RUVBL1: variants seen among roughly 807,000 people sequenced by gnomAD.
RUVBL1 encodes RuvB like AAA ATPase 1, also known as ruvB-like 1.
A neutral mutation model predicts 52.4 loss-of-function variants in RUVBL1; 4 were observed. That is an observed-to-expected ratio of 0.08 (90% CI 0.04 to 0.17). RUVBL1 has a LOEUF of 0.17. Among genes scored for constraint, RUVBL1 ranks in the 10% least tolerant of loss-of-function variants. The pLI, the probability that RUVBL1 is intolerant of heterozygous loss-of-function variation, is 1.00. For missense variants in RUVBL1, 298 were observed against 572.8 expected (o/e 0.52, Z 4.90); for synonymous variants, 217 against 214.4 (o/e 1.01, Z -0.10).
chr3:128,101,354 C>T (rs190145995), intron 5 of RUVBL1, among the ~76,000 whole-genome samples: 16 of 152,132 alleles, frequency 1.1e-4, no homozygotes, highest in Admixed American at 6.5e-4. Flanking sequence ...GTTTTAATCG[C>T]GAGAAGGTTA....
intron 3 of RUVBL1, among the ~76,000 whole-genome samples, chr3:128,111,573 T>C (rs1373021163): frequency 1.3e-5 from 2 of 152,164 alleles, no homozygotes; most frequent in Non-Finnish European, 2.9e-5. Flanking sequence ...AGCCACTATT[T>C]TGTCCTGCTC....
rs1234126641 is a variant in RUVBL1 at position 128,153,679 on chromosome 3, G to T, written c.-516C>A. 1.9e-6 allele frequency: 3 copies of T among 1,594,778 alleles called. No homozygotes were observed. The highest frequency in any genetic ancestry group is 2.3e-5 in the East Asian group (1 of 44,412). ...CGATCTGGGCTTCTCGTGCTTCTCG[G>T]TGCCGCTGCCCGCGCGCCTGCGGTC... On this transcript the variant is annotated 5_prime_UTR_variant, in exon 1 of 10. Transcript: ENST00000464873.
In RUVBL1 at chr3:128,081,469, C is replaced by A; in HGVS notation, c.1212-60G>T. ...TGGGGCCACCGAAGAAAGCACCTTC[C>A]CCCCACATCAGTAGGCAGCACTGGC... On this transcript the variant is annotated intron_variant, in intron 10 of 10. Transcript: ENST00000322623. This position sits in a 1 kb window ranked among gnomAD's most constrained non-coding sequence, Gnocchi z 4.8. 1 of 1,544,168 alleles carries A rather than the reference C, an allele frequency of 6.5e-7. No homozygotes were observed. Among genetic ancestry groups the A allele is most frequent in the Non-Finnish European group, 8.8e-7 (1 of 1,132,290 alleles).
At chr3:128,112,840 G>A in intron 3 of RUVBL1, 48 bp downstream of exon 3, 1 of 1,599,486 alleles carries the variant, frequency 6.3e-7, no homozygotes, top group Non-Finnish European at 8.5e-7. Context: ...CGGTGCACAG[G>A]CTTCAGGAAG....
At chr3:128,124,242 A>C (rs1943732314), upstream of RUVBL1, among the ~76,000 whole-genome samples, 1 of 152,100 alleles carries the variant, frequency 6.6e-6, no homozygotes, top group Non-Finnish European at 1.5e-5. Context: ...CTCCCTGGAA[A>C]GGCCCAGCTC....
At chr3:128,119,038 G>A (rs1293587178) in intron 2 of RUVBL1, among the ~76,000 whole-genome samples, 3 of 152,148 alleles carry the variant, frequency 2.0e-5, no homozygotes, top group African/African-American at 7.2e-5. Flanking sequence ...TAGGCCAACA[G>A]AAATGTATTT....
chr3:128,073,701 T>TC (rs1453645067), intron 9 of RUVBL1, among the ~76,000 whole-genome samples: 7 of 152,290 alleles, frequency 4.6e-5, no homozygotes, highest in South Asian at 4.1e-4. Flanking sequence ...AAGGTGCCTC[T>TC]CCTCTTAAAA....
At chr3:128,130,613 AATTTTATTTATTTATGTATTT>A (rs1377627735) in intron 1 of RUVBL1, among the ~76,000 whole-genome samples, 2 of 125,190 alleles carry the variant, frequency 1.6e-5, no homozygotes, top group African/African-American at 6.9e-5. Flanking sequence ...AAAAAAAAAA[AATTTTATTTATTTATGTATTT>A]ATTTATTTAT....
chr3:128,145,140 T>G (rs1944083970), intron 1 of RUVBL1, among the ~76,000 whole-genome samples: 1 of 152,230 alleles, frequency 6.6e-6, no homozygotes, highest in Non-Finnish European at 1.5e-5. Context: ...TTTATTTATT[T>G]AAATTCACAA....
intron 9 of RUVBL1, among the ~76,000 whole-genome samples, chr3:128,068,383 C>T (rs997950722): frequency 1.3e-5 from 2 of 152,192 alleles, no homozygotes; most frequent in Admixed American, 6.5e-5. Context: ...CACCCTGGCT[C>T]ATGCCGGTGG....
intron 1 of RUVBL1, among the ~76,000 whole-genome samples, chr3:128,149,481 G>A (rs1944153282): frequency 6.6e-6 from 1 of 152,046 alleles, no homozygotes; most frequent in African/African-American, 2.4e-5. Flanking sequence ...CACTATGCCT[G>A]GCCTTTGTCT....
rs545982744 is a variant in RUVBL1, at chr3:128,081,613, G to A, written c.1212-204C>T. The A allele has an allele frequency of 5.3e-6, 3 of 569,138 alleles. No individual in the cohort carries two copies. The highest frequency in any genetic ancestry group is 9.3e-6 in the Non-Finnish European group (3 of 323,454). The allele number at this position is 569,138 out of a possible 1,614,324, so 35.3% of individuals were successfully genotyped here. A position where few individuals can be genotyped will look rare whatever the true frequency, so the allele number is the denominator to read the frequency against. ...TTATCCCATCAGAGAGGGTCCAGGAGCCACCAAGAAGACATAAGTGCTATT... is the reference window on the plus strand; with the variant it reads ...TTATCCCATCAGAGAGGGTCCAGGAACCACCAAGAAGACATAAGTGCTATT... On this transcript the variant is annotated intron_variant, in intron 10 of 10. Coordinates refer to ENST00000322623, the MANE Select transcript of RUVBL1 (RefSeq NM_003707.3). This position sits in a 1 kb window ranked among gnomAD's most constrained non-coding sequence, Gnocchi z 4.8.
intron 8 of RUVBL1, among the ~76,000 whole-genome samples, chr3:128,091,606 T>G (rs1235083612): frequency 6.6e-6 from 1 of 152,190 alleles, no homozygotes; most frequent in Non-Finnish European, 1.5e-5. Flanking sequence ...ACAAATATAC[T>G]TCTGGAAAAG....
exon 10 of RUVBL1, chr3:128,065,122 G>A (rs1459872663): frequency 7.3e-7 from 1 of 1,362,318 alleles, no homozygotes; most frequent in Admixed American, 1.7e-5. Context: ...CACTCTGTGG[G>A]GTGCACTGTC....
At position 128,098,014 on chromosome 3, in the gene RUVBL1, G is replaced by A. The variant is rs372545116; in HGVS notation, c.818-516C>T. On this transcript the variant is annotated intron_variant, in intron 7 of 10. Coordinates refer to ENST00000322623, the MANE Select transcript of RUVBL1 (RefSeq NM_003707.3). ...TCAAGTGCCTGGACTAAGGAAGTGGGTGCTTTTAGAATCCTGAGCAGAAAC... is the reference window on the plus strand; with the variant it reads ...TCAAGTGCCTGGACTAAGGAAGTGGATGCTTTTAGAATCCTGAGCAGAAAC... Among the ~76,000 whole-genome samples, 20 of 152,316 alleles carry A rather than the reference G, an allele frequency of 1.3e-4. No individual in the cohort carries two copies. In the East Asian group the frequency reaches 3.5e-3, roughly 26 times the overall value.
chr3:128,098,757 G>A, intron 7 of RUVBL1, 125 bp downstream of exon 7: 2 of 798,264 alleles, frequency 2.5e-6, no homozygotes, highest in African/African-American at 3.4e-5. Context: ...TCTAAGCTAT[G>A]AGGAAGAAAG....
At chr3:128,076,213 C>T (rs1942318096), downstream of RUVBL1, 1 of 152,362 alleles carries the variant, frequency 6.6e-6, no homozygotes, top group Non-Finnish European at 1.5e-5. This position sits in a 1 kb window ranked among gnomAD's most constrained non-coding sequence, Gnocchi z 6.8. Context: ...TGCGCTCTGG[C>T]GCGGAGGAGG....
At chr3:128,140,050 A>G (rs1302231095) in intron 1 of RUVBL1, among the ~76,000 whole-genome samples, 1 of 152,114 alleles carries the variant, frequency 6.6e-6, no homozygotes, top group African/African-American at 2.4e-5. Context: ...TGTAACACAA[A>G]TAAATTATGT....
chr3:128,069,405 G>A (rs1352208352), intron 9 of RUVBL1: 1 of 1,443,618 alleles, frequency 6.9e-7, no homozygotes, highest in African/African-American at 1.4e-5. Context: ...AGTCTCAGGT[G>A]AGCCTGTTGG....
Sources: gnomAD v4.1 joint callset for allele counts (sites outside exome capture counted in the v4.1 genomes callset) on GRCh38, gnomAD v4.1.1 for gene constraint, Gnocchi (gnomAD v3.1) non-coding constraint, MANE v1.5 for transcripts, NCBI Gene and HGNC (gene_info 2026-07-23, HGNC 2026-07-21) for gene names.